Variants in EYS observed in about 807,000 individuals in gnomAD.
EYS encodes the protein EGF-like photoreceptor maintenance factor, also known as protein eyes shut homolog.
A neutral mutation model predicts 282.1 loss-of-function variants in EYS; 250 were observed. The ratio of observed to expected loss-of-function variants is 0.89; its 90% CI spans 0.80 to 0.98. The LOEUF is 0.98. Among genes scored for constraint, EYS ranks in the 50% least tolerant of loss-of-function variants. The pLI is 0.00. For missense variants in EYS, 4,016 were observed against 3,709.0 expected, an observed-to-expected ratio of 1.08 and a Z score of -2.15; for synonymous variants, 1,355 against 1,282.9, an observed-to-expected ratio of 1.06 and a Z score of -1.20.
intron 24 of EYS, among the ~76,000 whole-genome samples, chr6:64,605,103 T>C (rs1582945988): frequency 6.6e-6 from 1 of 152,036 alleles, no homozygotes; most frequent in East Asian, 1.9e-4. Context: ...CTATTTCTTA[T>C]TGAATATTGA....
At chr6:63,811,850 C>T (rs981985661) in intron 36 of EYS, among the ~76,000 whole-genome samples, 1 of 152,180 alleles carries the variant, frequency 6.6e-6, no homozygotes, top group Non-Finnish European at 1.5e-5. Flanking sequence ...TGGTATCTTT[C>T]TCTGCTACCT....
At chr6:64,447,897 T>C (rs1000893061) in intron 26 of EYS, among the ~76,000 whole-genome samples, 3 of 152,172 alleles carry the variant, frequency 2.0e-5, no homozygotes, top group African/African-American at 7.2e-5. Context: ...TGGAGATTGA[T>C]TAGGGAAAAA....
intron 30 of EYS, among the ~76,000 whole-genome samples, chr6:64,268,383 G>T (rs1303393288): frequency 5.3e-5 from 8 of 152,096 alleles, no homozygotes; most frequent in Admixed American, 4.6e-4. Flanking sequence ...TAGAGATAGA[G>T]TTCTGAGGTG....
chr6:65,638,691 C>T (rs1767175052), intron 2 of EYS, among the ~76,000 whole-genome samples: 1 of 152,220 alleles, frequency 6.6e-6, no homozygotes. Context: ...AGCCAGCATG[C>T]CTGGCTGTGC....
At chr6:64,425,685 C>T (rs146261461) in intron 28 of EYS, among the ~76,000 whole-genome samples, 1 of 141,992 alleles carries the variant, frequency 7.0e-6, no homozygotes, top group Non-Finnish European at 1.5e-5. Flanking sequence ...AAAAAGGAAG[C>T]TTTGACCAGA....
intron 26 of EYS, among the ~76,000 whole-genome samples, chr6:64,545,393 G>C (rs906145106): frequency 6.6e-6 from 1 of 152,120 alleles, no homozygotes; most frequent in Non-Finnish European, 1.5e-5. Flanking sequence ...AGCTATCTAT[G>C]ACAAACCCAC....
chr6:65,351,649 G>A (rs1432878530), intron 9 of EYS, among the ~76,000 whole-genome samples: 2 of 151,728 alleles, frequency 1.3e-5, no homozygotes, highest in Non-Finnish European at 3.0e-5. Context: ...ACATATGAAA[G>A]CATTATTCCT....
At chr6:65,174,448 A>G (rs531551007) in intron 12 of EYS, among the ~76,000 whole-genome samples, 2 of 151,454 alleles carry the variant, frequency 1.3e-5, no homozygotes, top group South Asian at 4.1e-4. Context: ...TTAACATTCT[A>G]CAAATTCCAA....
At chr6:65,346,838 A>C (rs907325627) in intron 9 of EYS, among the ~76,000 whole-genome samples, 13 of 152,028 alleles carry the variant, frequency 8.6e-5, no homozygotes, top group African/African-American at 2.9e-4. Flanking sequence ...AGAAATAAAC[A>C]CAAATTATAT....
At chr6:64,544,729 A>T (rs1245181547) in intron 26 of EYS, among the ~76,000 whole-genome samples, 1 of 152,344 alleles carries the variant, frequency 6.6e-6, no homozygotes, top group South Asian at 2.1e-4. Context: ...ACCGTCAGAG[A>T]ATACTATAAA....
intron 30 of EYS, among the ~76,000 whole-genome samples, chr6:64,274,481 G>GTTTTTTTT (rs10640761): frequency 2.2e-4 from 20 of 92,220 alleles, no homozygotes; most frequent in African/African-American, 3.3e-4. Context: ...ACGCCTGGCC[G>GTTTTTTTT]TTTTTTTTTT....
intron 36 of EYS, among the ~76,000 whole-genome samples, chr6:63,839,631 G>C (rs1464775434): frequency 6.6e-6 from 1 of 152,166 alleles, no homozygotes; most frequent in Non-Finnish European, 1.5e-5. Context: ...TTACAGGTAT[G>C]AGTCACAGTG....
chr6:65,651,896 T>C (rs1384402353), intron 1 of EYS, among the ~76,000 whole-genome samples: 5 of 152,022 alleles, frequency 3.3e-5, no homozygotes, highest in East Asian at 1.9e-4. Flanking sequence ...TAATTTATTA[T>C]GCAGTAATAA....
At chr6:65,585,478 TACATTA>T (rs1391400563) in intron 2 of EYS, among the ~76,000 whole-genome samples, 1 of 151,958 alleles carries the variant, frequency 6.6e-6, no homozygotes, top group Non-Finnish European at 1.5e-5. Flanking sequence ...ATCAAAAATG[TACATTA>T]AAATATTTTT....
chr6:65,579,108 T>C (rs1259838712), intron 2 of EYS, among the ~76,000 whole-genome samples: 1 of 152,170 alleles, frequency 6.6e-6, no homozygotes, highest in East Asian at 1.9e-4. Flanking sequence ...AACTCAACTT[T>C]GACTAATGAG....
chr6:64,825,133 C>G (rs188049569), intron 19 of EYS, among the ~76,000 whole-genome samples: 13 of 151,992 alleles, frequency 8.6e-5, no homozygotes, highest in Non-Finnish European at 1.6e-4. Flanking sequence ...GACCTTTGTA[C>G]TTTTATTCCC....
At position 64,804,536 on chromosome 6, in the gene EYS, T is replaced by C. The variant is rs548934545; in HGVS notation, c.3443+8842A>G. Among the ~76,000 whole-genome samples the C allele has an allele frequency of 3.2e-4, 48 of 152,264 alleles. 2 individuals carry two copies. The highest frequency in any genetic ancestry group is 1.2e-3 in the African/African-American group (48 of 41,568). On this transcript the variant is annotated intron_variant, in intron 22 of 42. Coordinates refer to ENST00000503581, the MANE Select transcript of EYS (RefSeq NM_001142800.2). ...AGTGCCACAACTCTCTTTAATATGG[T>C]TAAATTGTCTACTTTTTTTTCCTTC...
At chr6:64,518,785 C>CCA (rs1554169757) in intron 26 of EYS, among the ~76,000 whole-genome samples, 47 of 146,468 alleles carry the variant, frequency 3.2e-4, no homozygotes, top group Admixed American at 6.7e-4. Flanking sequence ...AAGGGGCCCC[C>CCA]CCCTTCTCAG....
chr6:65,334,949 G>C, intron 11 of EYS, 31 bp downstream of exon 11: 1 of 1,583,016 alleles, frequency 6.3e-7, no homozygotes, highest in Non-Finnish European at 8.6e-7. Flanking sequence ...TTTGATATGT[G>C]ATATTATCTG....
Sources: allele counts gnomAD v4.1 joint callset (sites outside exome capture counted in the v4.1 genomes callset), GRCh38; gene constraint gnomAD v4.1.1; transcripts MANE v1.5; gene names NCBI Gene and HGNC (gene_info 2026-07-23, HGNC 2026-07-21).